Variants in COL5A2 observed in about 807,000 individuals in gnomAD.
The protein encoded by COL5A2 is collagen type V alpha 2 chain, also known as collagen alpha-2(V) chain.
COL5A2 carries 23 observed loss-of-function variants against 208.2 expected under a neutral mutation model. The ratio of observed to expected loss-of-function variants is 0.11; its 90% CI spans 0.08 to 0.16. The LOEUF is 0.16. COL5A2 is among the 10% of genes least tolerant of loss of function. COL5A2 has a pLI of 1.00. For synonymous variants in COL5A2, 625 were observed against 628.5 expected, an observed-to-expected ratio of 0.99 and a Z score of 0.08; for missense variants, 1,590 against 1,956.4, an observed-to-expected ratio of 0.81 and a Z score of 3.53.
chr2:189,061,017 TAGC>T, intron 30 of COL5A2, among the ~76,000 whole-genome samples: 1 of 152,190 alleles, frequency 6.6e-6, no homozygotes. Context: ...GCACACCACT[TAGC>T]AAAAAAAGAG....
intron 1 of COL5A2, among the ~76,000 whole-genome samples, chr2:189,128,540 C>T (rs1347482718): frequency 6.6e-6 from 1 of 151,702 alleles, no homozygotes; most frequent in Admixed American, 6.6e-5. Context: ...GTTGGTGCTC[C>T]TCAAACCTGG....
At chr2:189,060,432 T>A (rs567878267) in intron 31 of COL5A2, among the ~76,000 whole-genome samples, 1 of 152,290 alleles carries the variant, frequency 6.6e-6, no homozygotes, top group African/African-American at 2.4e-5. Context: ...CAGAATAAAA[T>A]TGTTAGTATT....
chr2:189,155,672 T>A (rs182339767), intron 1 of COL5A2, among the ~76,000 whole-genome samples: 435 of 152,300 alleles, frequency 2.9e-3, no homozygotes, highest in African/African-American at 9.0e-3. Flanking sequence ...ATTATCTTTT[T>A]AAAATATATA....
the COL5A2 span, among the ~76,000 whole-genome samples, chr2:189,366,038 A>G: frequency 6.6e-6 from 1 of 152,226 alleles, no homozygotes; most frequent in Admixed American, 6.5e-5. Flanking sequence ...CTCATGTCCT[A>G]TATTATTTGC....
intron 1 of COL5A2, among the ~76,000 whole-genome samples, chr2:189,194,368 C>T (rs1409792493): frequency 6.6e-5 from 10 of 152,178 alleles, no homozygotes; most frequent in Non-Finnish European, 1.5e-5. Flanking sequence ...AAACCCACTA[C>T]CCTAATATAA....
the COL5A2 span, among the ~76,000 whole-genome samples, chr2:189,418,778 T>C: frequency 2.6e-5 from 4 of 152,338 alleles, no homozygotes; most frequent in African/African-American, 7.2e-5. Flanking sequence ...TCTGATGTTA[T>C]GGTTAGGTCT....
intron 1 of COL5A2, among the ~76,000 whole-genome samples, chr2:189,112,333 GAT>G (rs1246333456): frequency 1.3e-5 from 2 of 152,116 alleles, no homozygotes; most frequent in Non-Finnish European, 2.9e-5. Flanking sequence ...GTTTATGAAA[GAT>G]ATTATCATTT....
the COL5A2 span, among the ~76,000 whole-genome samples, chr2:189,367,942 T>A: frequency 6.6e-6 from 1 of 152,220 alleles, no homozygotes; most frequent in Non-Finnish European, 1.5e-5. Context: ...TTAAGCAATC[T>A]AGATTTTAAT....
chr2:189,286,088 G>A, the COL5A2 span, among the ~76,000 whole-genome samples: 4 of 150,864 alleles, frequency 2.7e-5, no homozygotes, highest in African/African-American at 7.3e-5. Flanking sequence ...AAGCTCATAC[G>A]TGGTTGAAAA....
intron 1 of COL5A2, among the ~76,000 whole-genome samples, chr2:189,165,721 C>T (rs1688450559): frequency 6.6e-6 from 1 of 152,166 alleles, no homozygotes; most frequent in South Asian, 2.1e-4. Flanking sequence ...TCCAAAGACC[C>T]TTCTTTTGTT....
chr2:189,379,560 C>T, the COL5A2 span, among the ~76,000 whole-genome samples: 1 of 152,092 alleles, frequency 6.6e-6, no homozygotes, highest in African/African-American at 2.4e-5. Context: ...AAGAGATACT[C>T]GAGATACTCA....
intron 1 of COL5A2, among the ~76,000 whole-genome samples, chr2:189,189,274 C>T (rs775072426): frequency 1.8e-4 from 27 of 152,112 alleles, no homozygotes; most frequent in African/African-American, 3.6e-4. Flanking sequence ...AAATGGGAGA[C>T]GGCCAGCAGT....
chr2:189,399,753 G>T, the COL5A2 span, among the ~76,000 whole-genome samples: 1 of 152,130 alleles, frequency 6.6e-6, no homozygotes, highest in Non-Finnish European at 1.5e-5. Flanking sequence ...AGGCTGGAGT[G>T]CAGCAGTGTG....
chr2:189,181,872 G>A (rs965849630), upstream of COL5A2, among the ~76,000 whole-genome samples: 4 of 152,140 alleles, frequency 2.6e-5, no homozygotes, highest in Admixed American at 6.5e-5. Flanking sequence ...GTCTCTCATG[G>A]TTGCCACCAG....
At chr2:189,390,247 C>T in the COL5A2 span, among the ~76,000 whole-genome samples, 85,796 of 151,932 alleles carry the variant, frequency 0.56, 26,031 homozygotes, top group East Asian at 0.69. Context: ...CAGCATATGC[C>T]CAGATGGTTT....
intron 40 of COL5A2, 67 bp from the exon 41 acceptor site, chr2:189,052,292 G>A (rs566237611): frequency 6.7e-7 from 1 of 1,487,584 alleles, no homozygotes; most frequent in Non-Finnish European, 9.4e-7. Flanking sequence ...ATTTTCCTGG[G>A]ATTTTTTTTC....
At chr2:189,227,605 T>A (rs1689436784), upstream of COL5A2, among the ~76,000 whole-genome samples, 1 of 151,982 alleles carries the variant, frequency 6.6e-6, no homozygotes, top group African/African-American at 2.4e-5. Flanking sequence ...TGTCAAAAAC[T>A]GTAACAAGAA....
the COL5A2 span, among the ~76,000 whole-genome samples, chr2:189,426,538 T>G: frequency 2.0e-5 from 3 of 152,320 alleles, no homozygotes; most frequent in African/African-American, 7.2e-5. Flanking sequence ...CATGTCTCCA[T>G]AAATGTAAAG....
chr2:189,201,034 T>C (rs1322946909), intron 1 of COL5A2, among the ~76,000 whole-genome samples: 9 of 152,004 alleles, frequency 5.9e-5, no homozygotes, highest in Admixed American at 5.9e-4. Flanking sequence ...ATAAGATCTT[T>C]AGAAATAGTT....
Sources: gnomAD v4.1 joint callset for allele counts (sites outside exome capture counted in the v4.1 genomes callset) on GRCh38, gnomAD v4.1.1 for gene constraint, MANE v1.5 for transcripts, NCBI Gene and HGNC (gene_info 2026-07-23, HGNC 2026-07-21) for gene names.